Variants in SOX6 observed in about 807,000 individuals in gnomAD.
The protein encoded by SOX6 is transcription factor SOX-6.
In SOX6, 11 loss-of-function variants were observed where a neutral mutation model predicts 97.8. That is an observed-to-expected ratio of 0.11 (90% CI 0.07 to 0.19). The LOEUF (loss-of-function observed/expected upper bound fraction) is 0.19. SOX6 is among the 10% of genes least tolerant of loss of function. The probability of loss-of-function intolerance (pLI) is 1.00; values close to 1 mark genes in which losing one functional copy is unlikely to be tolerated. For synonymous variants in SOX6, 360 were observed against 371.4 expected (o/e 0.97, Z 0.35); for missense variants, 810 against 1,039.5 (o/e 0.78, Z 3.04).
chr11:15,985,522 A>G (rs1853806320), intron 15 of SOX6, among the ~76,000 whole-genome samples: 1 of 152,146 alleles, frequency 6.6e-6, no homozygotes, highest in Non-Finnish European at 1.5e-5. Flanking sequence ...TATCCTGACT[A>G]CTGTGGTTAT....
At chr11:16,691,293 C>T (rs1416116805) in intron 3 of SOX6, among the ~76,000 whole-genome samples, 2 of 152,082 alleles carry the variant, frequency 1.3e-5, no homozygotes, top group Non-Finnish European at 2.9e-5. Flanking sequence ...GGAGAAACTG[C>T]GGACACTGTC....
chr11:15,987,418 CCAG>C (rs1853889994), intron 14 of SOX6, among the ~76,000 whole-genome samples: 1 of 152,200 alleles, frequency 6.6e-6, no homozygotes, highest in African/African-American at 2.4e-5. Context: ...CTGCTGGTTT[CCAG>C]CAGCTTAAAG....
intron 3 of SOX6, among the ~76,000 whole-genome samples, chr11:16,278,652 A>T (rs939596658): frequency 2.6e-5 from 4 of 152,212 alleles, no homozygotes; most frequent in African/African-American, 9.6e-5. Flanking sequence ...AAAAAAAAGA[A>T]AGAAATTAGA....
intron 7 of SOX6, 126 bp from the exon 8 acceptor site, chr11:16,097,814 A>G (rs1184689908): frequency 3.3e-6 from 3 of 898,510 alleles, no homozygotes; most frequent in Non-Finnish European, 5.5e-6. Context: ...ATCTGCAGAA[A>G]CAAAAGGCTT....
At chr11:16,030,429 G>C (rs1432520058) in intron 12 of SOX6, among the ~76,000 whole-genome samples, 2 of 152,164 alleles carry the variant, frequency 1.3e-5, no homozygotes, top group African/African-American at 4.8e-5. Context: ...TTTGCCTTCT[G>C]TGTAAGCTGA....
intron 4 of SOX6, among the ~76,000 whole-genome samples, chr11:16,585,333 G>A (rs1188112735): frequency 1.3e-5 from 2 of 152,124 alleles, no homozygotes; most frequent in African/African-American, 2.4e-5. Context: ...ATTCTTATGT[G>A]TGCCAAGCAC....
At chr11:16,077,084 AT>A (rs1848373858) in intron 9 of SOX6, among the ~76,000 whole-genome samples, 2 of 152,080 alleles carry the variant, frequency 1.3e-5, no homozygotes, top group South Asian at 4.2e-4. Context: ...ACCAGATCTC[AT>A]GAGAACTCAC....
intron 1 of SOX6, among the ~76,000 whole-genome samples, chr11:16,419,106 A>G (rs1044169342): frequency 8.5e-5 from 13 of 152,188 alleles, no homozygotes; most frequent in African/African-American, 1.2e-4. Context: ...TTATCAATCA[A>G]TGCAACTTGG....
chr11:16,132,645 A>T (rs1210670823), intron 6 of SOX6, among the ~76,000 whole-genome samples: 1 of 150,928 alleles, frequency 6.6e-6, no homozygotes, highest in African/African-American at 2.4e-5. Context: ...AAGGGGTTCC[A>T]TTGGGAAGTC....
rs923018975 is a variant in SOX6 at position 16,613,572 on chromosome 11, G to T, written n.430-1312C>A. On this transcript the variant is annotated intron_variant and non_coding_transcript_variant, in intron 3 of 5. Transcript: ENST00000524520. The surrounding 1 kb of genome is among the most constrained non-coding windows in gnomAD (Gnocchi z 4.6). The stretch of plus-strand genomic sequence containing the variant: ...GCGTCCCAAACGGGTTCGGCCAAGG[G>T]TTTCCACCCCATCACCACTTCCCGC... 6.6e-6 allele frequency among the ~76,000 whole-genome samples: 1 copy of T among 151,904 alleles called. No homozygotes were observed. Among genetic ancestry groups the T allele is most frequent in the Non-Finnish European group, 1.5e-5 (1 of 67,974 alleles).
intron 2 of SOX6, among the ~76,000 whole-genome samples, chr11:16,327,116 G>A (rs1057427420): frequency 4.6e-5 from 7 of 152,152 alleles, no homozygotes; most frequent in African/African-American, 7.2e-5. Context: ...AAATCACGCT[G>A]TATAACTGTC....
intron 4 of SOX6, among the ~76,000 whole-genome samples, chr11:16,215,848 T>C: frequency 6.6e-6 from 1 of 152,176 alleles, no homozygotes; most frequent in East Asian, 1.9e-4. Context: ...GATCACTGTT[T>C]TTGTTGTTTG....
intron 1 of SOX6, among the ~76,000 whole-genome samples, chr11:16,411,912 T>C (rs1223781399): frequency 2.0e-5 from 3 of 152,148 alleles, no homozygotes; most frequent in Non-Finnish European, 4.4e-5. Flanking sequence ...AGGATTAACA[T>C]ATGAAAATGT....
chr11:16,140,119 T>G (rs1184303782), intron 6 of SOX6, among the ~76,000 whole-genome samples: 1 of 151,944 alleles, frequency 6.6e-6, no homozygotes, highest in East Asian at 1.9e-4. Context: ...TACCAACCAA[T>G]CTCCTCATCC....
intron 4 of SOX6, among the ~76,000 whole-genome samples, chr11:16,188,008 T>A (rs1159897194): frequency 6.6e-6 from 1 of 152,162 alleles, no homozygotes; most frequent in African/African-American, 2.4e-5. Context: ...AACCTCCTTA[T>A]GAAACCCCCT....
chr11:16,591,990 T>G (rs1848159146), intron 4 of SOX6, among the ~76,000 whole-genome samples: 2 of 152,118 alleles, frequency 1.3e-5, no homozygotes, highest in Non-Finnish European at 2.9e-5. Context: ...ACAAAGCATA[T>G]TCGATTATAG....
intron 1 of SOX6, among the ~76,000 whole-genome samples, chr11:16,457,391 G>A (rs1859829210): frequency 6.6e-6 from 1 of 152,004 alleles, no homozygotes; most frequent in Non-Finnish European, 1.5e-5. Context: ...AAGTGATAAG[G>A]AATCACAAAG....
At chr11:16,110,323 A>G (rs1213363718) in intron 7 of SOX6, 1 of 152,068 alleles carries the variant, frequency 6.6e-6, no homozygotes, top group African/African-American at 2.4e-5. Context: ...GGCTTACTTC[A>G]ATGTTCCAAA....
At chr11:16,424,513 G>C (rs928242703) in intron 1 of SOX6, among the ~76,000 whole-genome samples, 1 of 152,206 alleles carries the variant, frequency 6.6e-6, no homozygotes, top group African/African-American at 2.4e-5. Flanking sequence ...CAAACTAAGA[G>C]AGGGAATCCT....
Sources: allele counts gnomAD v4.1 joint callset (sites outside exome capture counted in the v4.1 genomes callset), GRCh38; gene constraint gnomAD v4.1.1; non-coding constraint Gnocchi (gnomAD v3.1); transcripts MANE v1.5; gene names NCBI Gene and HGNC (gene_info 2026-07-23, HGNC 2026-07-21).